Variants in TUBD1 observed in about 807,000 individuals in gnomAD.
TUBD1 encodes tubulin delta chain.
TUBD1 carries 38 observed loss-of-function variants against 51.2 expected under a neutral mutation model. The observed-to-expected ratio is 0.74, with a 90% CI of 0.57 to 0.97. TUBD1 has a LOEUF of 0.97. Ranked by LOEUF, TUBD1 falls within the 50% of genes least tolerant of loss-of-function variation. TUBD1 has a pLI of 0.00. For missense variants in TUBD1, 489 were observed against 538.4 expected, an observed-to-expected ratio of 0.91 and a Z score of 0.91; for synonymous variants, 169 against 178.2, an observed-to-expected ratio of 0.95 and a Z score of 0.41.
intron 5 of TUBD1, among the ~76,000 whole-genome samples, chr17:59,874,940 G>A (rs1316545686): frequency 6.6e-6 from 1 of 151,960 alleles, no homozygotes; most frequent in East Asian, 1.9e-4. Flanking sequence ...TTGCCAAAAA[G>A]CAAACTACAA....
At position 59,878,301 on chromosome 17, in the gene TUBD1, G is replaced by A; in HGVS notation, c.571C>T (p.Leu191Phe). Residue 191 changes from leucine (L) to phenylalanine (F), a missense_variant, in exon 5 of 9, where the codon CTT (leucine) becomes TTT (phenylalanine). Physicochemically the swap from Leu to Phe is conservative, Grantham distance 22. Coordinates refer to ENST00000325752, the MANE Select transcript of TUBD1 (RefSeq NM_016261.4). ...IVQNYNSILTLSHLYRSSDAL... is the reference protein window; with the variant it reads ...IVQNYNSILTFSHLYRSSDAL... ...TCTGAAGATCGGTACAAGTGAGAAAGTGTCAAAATGGAGTTGTAGTTTTGA... is the reference window on the plus strand; with the variant it reads ...TCTGAAGATCGGTACAAGTGAGAAAATGTCAAAATGGAGTTGTAGTTTTGA... 1 of 1,614,068 alleles carries A rather than the reference G, an allele frequency of 6.2e-7. No homozygotes were observed. Among genetic ancestry groups the A allele is most frequent in the Non-Finnish European group, 8.5e-7 (1 of 1,179,986 alleles).
chr17:59,873,236 CTTAAG>C (rs779361871), intron 6 of TUBD1, among the ~76,000 whole-genome samples: 13 of 134,332 alleles, frequency 9.7e-5, no homozygotes, highest in South Asian at 2.3e-4. Context: ...CCAGACATTA[CTTAAG>C]TTGTTTTTTG....
intron 8 of TUBD1, among the ~76,000 whole-genome samples, chr17:59,861,893 C>T (rs1410257681): frequency 1.3e-5 from 2 of 151,230 alleles, no homozygotes; most frequent in Non-Finnish European, 2.9e-5. Flanking sequence ...GTCTCAAACT[C>T]CTGATCTTGT....
chr17:59,870,604 C>T (rs2039940551), intron 6 of TUBD1, among the ~76,000 whole-genome samples: 1 of 151,976 alleles, frequency 6.6e-6, no homozygotes, highest in Non-Finnish European at 1.5e-5. Flanking sequence ...AAAACCAGGT[C>T]ACGAAGTAGC....
Position 59,874,633 on chromosome 17 carries a change from C to T in TUBD1, c.840G>A (p.Met280Ile). ...KMLSVRNIPHMSENSLAYTTF... is the reference protein window; with the variant it reads ...KMLSVRNIPHISENSLAYTTF... ...TGGTGTATGCCAATGAATTCTCAGA[C>T]ATGTGAGGAATGTTACGAACACTCA... Residue 280 changes from methionine (M) to isoleucine (I), a missense_variant, in exon 6 of 9, where the codon ATG becomes ATA. Coordinates refer to ENST00000325752, the MANE Select transcript of TUBD1 (RefSeq NM_016261.4). 1.2e-6 allele frequency: 2 copies of T among 1,613,692 alleles called. No homozygotes were observed. Among genetic ancestry groups the T allele is most frequent in the East Asian group, 2.2e-5 (1 of 44,848 alleles).
chr17:59,872,718 G>GTGTGTGTGTC (rs1379688870), intron 6 of TUBD1, among the ~76,000 whole-genome samples: 2 of 136,426 alleles, frequency 1.5e-5, no homozygotes, highest in African/African-American at 5.7e-5. Context: ...GTGTGTGTGT[G>GTGTGTGTGTC]TGTGTGTGTG....
At chr17:59,891,180 G>C in intron 1 of TUBD1, 139 bp from the exon 2 acceptor site, 2 of 531,984 alleles carry the variant, frequency 3.8e-6, no homozygotes, top group Non-Finnish European at 6.6e-6. Context: ...ACCCAGGCTA[G>C]AGTGCAGTGG....
In TUBD1 at chr17:59,891,058, T is replaced by C; in HGVS notation, c.-39-17A>G. On this transcript the variant is annotated splice_polypyrimidine_tract_variant and intron_variant, in intron 1 of 8. Coordinates refer to ENST00000325752, the MANE Select transcript of TUBD1 (RefSeq NM_016261.4). ...AAAAACAACCTGTAATCGAAAAAAA[T>C]ACGCTTTGAGAACCACTACATTACT... 2.1e-6 allele frequency: 3 copies of C among 1,414,180 alleles called. No individual in the cohort carries two copies. Among genetic ancestry groups the C allele is most frequent in the Non-Finnish European group, 2.9e-6 (3 of 1,031,082 alleles). 87.6% of individuals were successfully genotyped at this position (1,414,180 alleles called of 1,614,324 possible).
intron 6 of TUBD1, among the ~76,000 whole-genome samples, 196 bp downstream of exon 6, chr17:59,874,343 T>G (rs990416579): frequency 6.6e-6 from 1 of 152,184 alleles, no homozygotes; most frequent in African/African-American, 2.4e-5. Flanking sequence ...TGGCACTCAT[T>G]TGAAATGTCT....
intron 8 of TUBD1, among the ~76,000 whole-genome samples, chr17:59,863,162 G>A (rs555079151): frequency 5.3e-5 from 8 of 152,206 alleles, no homozygotes; most frequent in South Asian, 2.1e-4. Flanking sequence ...TCTAATCCTC[G>A]TGAGAAATGT....
At chr17:59,877,709 C>T (rs2040287432) in intron 5 of TUBD1, among the ~76,000 whole-genome samples, 1 of 150,768 alleles carries the variant, frequency 6.6e-6, no homozygotes, top group Non-Finnish European at 1.5e-5. Context: ...ACCCAGGAGG[C>T]AGAGGTTGCA....
chr17:59,874,049 C>T (rs776541527), intron 6 of TUBD1, among the ~76,000 whole-genome samples: 10 of 150,994 alleles, frequency 6.6e-5, no homozygotes, highest in South Asian at 4.2e-4. Flanking sequence ...ATTAGCCGGG[C>T]GTGGTGGCAG....
At chr17:59,892,147 C>T (rs2041113905) in intron 1 of TUBD1, among the ~76,000 whole-genome samples, 1 of 152,220 alleles carries the variant, frequency 6.6e-6, no homozygotes, top group Admixed American at 6.5e-5. Context: ...TACGCTTTCT[C>T]CACTAGTCTA....
At chr17:59,863,928 C>T in intron 7 of TUBD1, 81 bp from the exon 8 acceptor site, 1 of 1,184,922 alleles carries the variant, frequency 8.4e-7, no homozygotes, top group Non-Finnish European at 1.1e-6. Flanking sequence ...ATTTTCTTGT[C>T]TATTTCATCA....
chr17:59,874,799 A>G (rs2040152812), intron 5 of TUBD1, 96 bp from the exon 6 acceptor site: 1 of 991,510 alleles, frequency 1.0e-6, no homozygotes, highest in South Asian at 1.5e-5. Context: ...TCTGGGCCAA[A>G]TGTTTTTTCT....
intron 6 of TUBD1, among the ~76,000 whole-genome samples, chr17:59,868,129 A>AG (rs1896858914): frequency 6.7e-6 from 1 of 148,174 alleles, no homozygotes; most frequent in Admixed American, 6.8e-5. Flanking sequence ...AAAAAAAAAA[A>AG]AAAAATTAGC....
At position 59,866,496 on chromosome 17, in the gene TUBD1, A is replaced by C. The variant is rs553688108; in HGVS notation, c.1075+113T>G. The C allele has an allele frequency of 1.6e-3, 2,230 of 1,385,252 alleles. 16 individuals are homozygous for C. The highest frequency in any genetic ancestry group is 1.5e-3 in the Non-Finnish European group (1,504 of 1,024,098). The allele number at this position is 1,385,252 out of a possible 1,614,324, so 85.8% of individuals were successfully genotyped here. A position where few individuals can be genotyped will look rare whatever the true frequency, so the allele number is the denominator to read the frequency against. ...TGGTCAAATTTTGCCACTAAAACAC[A>C]CAGTTATTACTTTCCTTTCTCCAAG... is the stretch of plus-strand genomic sequence containing the variant. On this transcript the variant is annotated intron_variant, in intron 7 of 8. Transcript: ENST00000325752.
intron 4 of TUBD1, among the ~76,000 whole-genome samples, chr17:59,880,527 T>A (rs1292059): frequency 0.2 from 31,063 of 151,980 alleles, 3,352 homozygotes; most frequent in East Asian, 0.39. Flanking sequence ...TTATTTATTT[T>A]TTTTTGAGAC....
At chr17:59,865,937 C>G (rs2039678155) in intron 7 of TUBD1, among the ~76,000 whole-genome samples, 1 of 151,762 alleles carries the variant, frequency 6.6e-6, no homozygotes, top group African/African-American at 2.4e-5. Context: ...ATGGAGAAAC[C>G]CCGTCTCTAC....
Sources: allele counts gnomAD v4.1 joint callset (sites outside exome capture counted in the v4.1 genomes callset), GRCh38; gene constraint gnomAD v4.1.1; transcripts MANE v1.5; gene names NCBI Gene and HGNC (gene_info 2026-07-23, HGNC 2026-07-21).